Variants in SCUBE1 observed in about 807,000 individuals in gnomAD.
The protein encoded by SCUBE1 is signal peptide, CUB and EGF-like domain-containing protein 1.
Under a neutral mutation model 124.4 loss-of-function variants are expected in SCUBE1, and 59 were observed. The ratio of observed to expected loss-of-function variants is 0.47; its 90% CI spans 0.38 to 0.59. The LOEUF (loss-of-function observed/expected upper bound fraction) is 0.59. Among genes scored for constraint, SCUBE1 ranks in the 20% least tolerant of loss-of-function variants. The pLI is 0.00. For missense variants in SCUBE1, 1,150 were observed against 1,371.2 expected (o/e 0.84, Z 2.55); for synonymous variants, 545 against 550.9 (o/e 0.99, Z 0.15).
At chr22:43,293,407 G>A (rs1210409322) in intron 3 of SCUBE1, among the ~76,000 whole-genome samples, 3 of 152,228 alleles carry the variant, frequency 2.0e-5, no homozygotes, top group Non-Finnish European at 4.4e-5. Context: ...CCAGCCCTGC[G>A]GTCTGGCTGC....
chr22:43,236,843 C>T (rs964734269), intron 7 of SCUBE1, among the ~76,000 whole-genome samples: 1 of 152,218 alleles, frequency 6.6e-6, no homozygotes, highest in African/African-American at 2.4e-5. Context: ...TAGAGGACCC[C>T]TACAGGCAGG....
rs1209490278 is a variant in SCUBE1, at chr22:43,198,697, T to C, written c.*5300A>G. Reference sequence around the variant, plus strand: ...CCAGGGTGACCAGACTTCCTGAGCATGGACCAGGGGAGGTGAAAATGGCTG... The same window carrying C: ...CCAGGGTGACCAGACTTCCTGAGCACGGACCAGGGGAGGTGAAAATGGCTG... On this transcript the variant is annotated 3_prime_UTR_variant, in exon 22 of 22. Transcript: ENST00000360835. The C allele has an allele frequency of 2.2e-6, 1 of 456,710 alleles. No individual in the cohort carries two copies. The highest frequency in any genetic ancestry group is 6.9e-5 in the East Asian group (1 of 14,394). 28.3% of individuals were successfully genotyped at this position (456,710 alleles called of 1,614,324 possible). A position where few individuals can be genotyped will look rare whatever the true frequency, so the allele number is the denominator to read the frequency against.
chr22:43,265,315 C>G (rs1043736491), intron 4 of SCUBE1, among the ~76,000 whole-genome samples: 1 of 152,198 alleles, frequency 6.6e-6, no homozygotes, highest in Non-Finnish European at 1.5e-5. Flanking sequence ...TGGGGACGTA[C>G]TCTAGCATGA....
At chr22:43,289,854 G>A (rs904934778) in intron 4 of SCUBE1, among the ~76,000 whole-genome samples, 7 of 152,072 alleles carry the variant, frequency 4.6e-5, no homozygotes, top group African/African-American at 9.7e-5. Context: ...AGCCCAGTGC[G>A]TGCCCTTTGG....
At chr22:43,280,486 C>T (rs9623802) in intron 4 of SCUBE1, among the ~76,000 whole-genome samples, 11,498 of 55,604 alleles carry the variant, frequency 0.21, 1,939 homozygotes, top group Non-Finnish European at 0.24. Context: ...CTTCCCCTCA[C>T]CCATCCCCGT....
chr22:43,323,516 G>T (rs1926625510), intron 2 of SCUBE1, among the ~76,000 whole-genome samples: 3 of 151,974 alleles, frequency 2.0e-5, no homozygotes, highest in Admixed American at 1.3e-4. Flanking sequence ...AGACACGCAT[G>T]CATGCATCCA....
At chr22:43,327,765 C>T (rs756958485) in intron 2 of SCUBE1, among the ~76,000 whole-genome samples, 20 of 152,078 alleles carry the variant, frequency 1.3e-4, no homozygotes, top group Admixed American at 8.5e-4. Context: ...CCAGCCTGGG[C>T]GACAGAGCAA....
At chr22:43,274,080 G>A (rs965584120) in intron 4 of SCUBE1, among the ~76,000 whole-genome samples, 18 of 151,880 alleles carry the variant, frequency 1.2e-4, no homozygotes, top group African/African-American at 3.4e-4. Context: ...TGGTCACTAG[G>A]TGTCACCGCA....
chr22:43,305,189 C>A (rs963140764), intron 3 of SCUBE1, among the ~76,000 whole-genome samples: 1 of 152,194 alleles, frequency 6.6e-6, no homozygotes. Context: ...TGCCACCACA[C>A]ACAGTTCTGT....
chr22:43,206,826 C>T (rs969682020), intron 21 of SCUBE1, among the ~76,000 whole-genome samples: 9 of 152,250 alleles, frequency 5.9e-5, no homozygotes, highest in East Asian at 5.8e-4. Flanking sequence ...GAGCCCAGGA[C>T]GCATCCCTGG....
rs115810048 is a variant in SCUBE1 at position 43,265,139 on chromosome 22, G to A, written c.485-2294C>T. 5.8e-3 allele frequency among the ~76,000 whole-genome samples: 878 copies of A among 152,314 alleles called. 12 individuals are homozygous for A. Among genetic ancestry groups the A allele is most frequent in the African/African-American group, 0.02 (848 of 41,546 alleles). Reference sequence around the variant, plus strand: ...ATCACCAACCATACATTTGTCACTGGGGAGCTGATGCACGCCGGAGCCCTG... The same window carrying A: ...ATCACCAACCATACATTTGTCACTGAGGAGCTGATGCACGCCGGAGCCCTG... On this transcript the variant is annotated intron_variant, in intron 4 of 21. Transcript: ENST00000360835.
chr22:43,259,918 G>C (rs1313890117), intron 5 of SCUBE1, among the ~76,000 whole-genome samples: 1 of 152,198 alleles, frequency 6.6e-6, no homozygotes, highest in African/African-American at 2.4e-5. Flanking sequence ...CCAGGGTGGA[G>C]CCGGCACCCT....
rs1285879893 is a variant in SCUBE1, at chr22:43,208,242, T to C, written c.2582-18A>G. ...GGGAGAGGCTGCGGGTGAAGCATCA[T>C]TGCTGAGCTGCCACAGGTAGGCAGC... On this transcript the variant is annotated intron_variant, in intron 19 of 21. Coordinates refer to ENST00000360835, the MANE Select transcript of SCUBE1 (RefSeq NM_173050.5). The C allele has an allele frequency of 2.5e-6, 4 of 1,613,092 alleles. No individual in the cohort carries two copies. Among genetic ancestry groups the C allele is most frequent in the African/African-American group, 1.3e-5 (1 of 74,834 alleles).
intron 2 of SCUBE1, among the ~76,000 whole-genome samples, chr22:43,329,933 C>T (rs181191870): frequency 7.8e-4 from 118 of 152,002 alleles, no homozygotes; most frequent in African/African-American, 2.6e-3. Context: ...TAATAAGAAG[C>T]GGCTAAGAGG....
intron 3 of SCUBE1, among the ~76,000 whole-genome samples, chr22:43,314,127 A>T (rs552948084): frequency 6.6e-6 from 1 of 152,206 alleles, no homozygotes; most frequent in Non-Finnish European, 1.5e-5. Context: ...TGCACAAGGC[A>T]GCGGAGACAG....
chr22:43,259,222 C>T (rs940854568), intron 5 of SCUBE1, among the ~76,000 whole-genome samples: 6 of 152,194 alleles, frequency 3.9e-5, no homozygotes, highest in African/African-American at 1.4e-4. Context: ...CCAGGGGGTG[C>T]AGGGCCCCTG....
chr22:43,208,202 G>C lies in SCUBE1; in HGVS notation c.2604C>G (p.Thr868=), dbSNP rs770618250. 1.9e-6 allele frequency: 3 copies of C among 1,614,076 alleles called. No homozygotes were observed. The highest frequency in any genetic ancestry group is 2.5e-6 in the Non-Finnish European group (3 of 1,180,002). ...RKSASPTSIT[T]YETCQTYERP... ...TCTCGTAGGTCTGGCAGGTCTCATA[G>C]GTGGTGATGGACGTGGGAGAGGCTG... Residue 868 remains threonine, a synonymous_variant, in exon 20 of 22, where the codon ACC becomes ACG. Transcript: ENST00000360835.
At chr22:43,322,254 A>C (rs1430026683) in intron 2 of SCUBE1, among the ~76,000 whole-genome samples, 3 of 152,180 alleles carry the variant, frequency 2.0e-5, no homozygotes, top group African/African-American at 7.2e-5. Context: ...AAGTGCTGGG[A>C]TTACAGATGT....
rs1433462431 is a variant in SCUBE1 at position 43,234,092 on chromosome 22, T to C, written c.845-2217A>G. On this transcript the variant is annotated intron_variant, in intron 7 of 21. Coordinates refer to ENST00000360835, the MANE Select transcript of SCUBE1 (RefSeq NM_173050.5). The surrounding 1 kb of genome is among the most constrained non-coding windows in gnomAD (Gnocchi z 4.4). ...GGCCCTGCAGCCACCAAGAAAGAGA[T>C]ATGAAGCCCAGCTGTGCTGGTCCAG... Among the ~76,000 whole-genome samples, 1 of 151,564 alleles carries C rather than the reference T, an allele frequency of 6.6e-6. No homozygotes were observed. The highest frequency in any genetic ancestry group is 3.2e-3 in the Middle Eastern group (1 of 316).
Sources: gnomAD v4.1 joint callset for allele counts (sites outside exome capture counted in the v4.1 genomes callset) on GRCh38, gnomAD v4.1.1 for gene constraint, Gnocchi (gnomAD v3.1) non-coding constraint, MANE v1.5 for transcripts, NCBI Gene and HGNC (gene_info 2026-07-23, HGNC 2026-07-21) for gene names.